Variants in PACRG observed in about 807,000 individuals in gnomAD.
The protein encoded by PACRG is parkin coregulated gene protein.
Under a neutral mutation model 29.7 loss-of-function variants are expected in PACRG, and 29 were observed. That is an observed-to-expected ratio of 0.98 (90% CI 0.73 to 1.33). The LOEUF is 1.33. Ranked by LOEUF, PACRG falls within the 40% of genes most tolerant of loss-of-function variation. PACRG has a pLI of 0.00. For missense variants in PACRG, 279 were observed against 316.2 expected (o/e 0.88, Z 0.89); for synonymous variants, 116 against 118.7 (o/e 0.98, Z 0.15).
intron 2 of PACRG, among the ~76,000 whole-genome samples, chr6:163,060,184 C>T (rs1407837095): frequency 6.6e-6 from 1 of 152,024 alleles, no homozygotes; most frequent in East Asian, 1.9e-4. Context: ...TATTAAAATA[C>T]AACATCTTAG....
chr6:163,200,932 G>C (rs1252221038), intron 4 of PACRG, among the ~76,000 whole-genome samples: 1 of 151,998 alleles, frequency 6.6e-6, no homozygotes, highest in Non-Finnish European at 1.5e-5. Flanking sequence ...CACTGGGCCG[G>C]ATCAGGCCCC....
chr6:162,847,832 A>G (rs985270905), intron 2 of PACRG, among the ~76,000 whole-genome samples: 1 of 152,150 alleles, frequency 6.6e-6, no homozygotes, highest in African/African-American at 2.4e-5. Flanking sequence ...AAACCTGACC[A>G]TCAAGTATTT....
intron 1 of PACRG, among the ~76,000 whole-genome samples, chr6:162,747,470 AAAAC>A (rs373371820): frequency 0.015 from 731 of 48,720 alleles, 137 homozygotes; most frequent in African/African-American, 0.034. Flanking sequence ...ATATATATGT[AAAAC>A]TATATATATA....
intron 4 of PACRG, among the ~76,000 whole-genome samples, chr6:163,291,694 AT>A (rs1784616817): frequency 6.6e-6 from 1 of 152,250 alleles, no homozygotes. Flanking sequence ...AAGCACCAAC[AT>A]TGCTAGCGCT....
chr6:162,846,544 T>C (rs1415704298), intron 2 of PACRG, among the ~76,000 whole-genome samples: 1 of 152,118 alleles, frequency 6.6e-6, no homozygotes, highest in Non-Finnish European at 1.5e-5. Context: ...CTCTCCCATC[T>C]CTCTTAGCTC....
intron 2 of PACRG, among the ~76,000 whole-genome samples, chr6:162,972,017 TGGTCATGA>T (rs1383794762): frequency 6.6e-6 from 1 of 152,190 alleles, no homozygotes; most frequent in African/African-American, 2.4e-5. Context: ...GTGACGCATG[TGGTCATGA>T]GCACTCTGAC....
At chr6:162,883,024 T>C (rs1432477229) in intron 2 of PACRG, among the ~76,000 whole-genome samples, 1 of 152,194 alleles carries the variant, frequency 6.6e-6, no homozygotes, top group Non-Finnish European at 1.5e-5. Context: ...CGAGTTCCAC[T>C]CCCTGTTGCA....
intron 2 of PACRG, among the ~76,000 whole-genome samples, chr6:162,844,187 C>G (rs1367076036): frequency 1.3e-5 from 2 of 150,244 alleles, no homozygotes; most frequent in Non-Finnish European, 3.0e-5. Context: ...GCGGGCGCCC[C>G]TCCCCCAGCC....
intron 1 of PACRG, among the ~76,000 whole-genome samples, chr6:162,785,849 T>C (rs1004138080): frequency 6.6e-6 from 1 of 152,098 alleles, no homozygotes; most frequent in East Asian, 1.9e-4. Context: ...AGCCCAGGGA[T>C]TGGGGACCCC....
intron 4 of PACRG, among the ~76,000 whole-genome samples, chr6:163,175,796 G>T (rs1281325740): frequency 6.7e-6 from 1 of 149,336 alleles, no homozygotes; most frequent in East Asian, 2.0e-4. Context: ...TGCTTCTCAG[G>T]CTCAATTTCC....
intron 1 of PACRG, among the ~76,000 whole-genome samples, chr6:162,735,157 T>C (rs1780069063): frequency 6.6e-6 from 1 of 152,228 alleles, no homozygotes; most frequent in Non-Finnish European, 1.5e-5. Context: ...GATGGGTATT[T>C]GTGTGACCTC....
chr6:163,177,166 C>A (rs1779401104), intron 4 of PACRG, among the ~76,000 whole-genome samples: 3 of 152,194 alleles, frequency 2.0e-5, no homozygotes, highest in African/African-American at 7.2e-5. Flanking sequence ...CCCCAAGGCA[C>A]ACACAGCTTA....
At chr6:162,890,578 C>T (rs1168790558) in intron 2 of PACRG, among the ~76,000 whole-genome samples, 2 of 152,210 alleles carry the variant, frequency 1.3e-5, no homozygotes, top group African/African-American at 2.4e-5. Context: ...TCACACTCAG[C>T]GCCTTAGCTT....
intron 4 of PACRG, among the ~76,000 whole-genome samples, chr6:163,261,695 G>C (rs1407931483): frequency 6.6e-6 from 1 of 152,164 alleles, no homozygotes; most frequent in Admixed American, 6.5e-5. Context: ...TACTTGGGGG[G>C]AAAATATGCC....
chr6:163,008,390 G>T (rs1805317977), intron 2 of PACRG, among the ~76,000 whole-genome samples: 1 of 151,934 alleles, frequency 6.6e-6, no homozygotes, highest in African/African-American at 2.4e-5. Context: ...TGTAAACGAG[G>T]CACACATCCA....
intron 2 of PACRG, among the ~76,000 whole-genome samples, chr6:162,844,560 G>A (rs1056147909): frequency 6.6e-5 from 10 of 152,236 alleles, no homozygotes; most frequent in South Asian, 2.1e-4. Context: ...CGTCTTCTGC[G>A]TCGCTCACGC....
intron 2 of PACRG, among the ~76,000 whole-genome samples, chr6:162,989,536 A>C (rs1803228409): frequency 6.6e-6 from 1 of 152,164 alleles, no homozygotes; most frequent in Admixed American, 6.5e-5. Flanking sequence ...ATAATACCTA[A>C]TACAATGTAA....
intron 2 of PACRG, among the ~76,000 whole-genome samples, chr6:162,978,798 T>A (rs1802169974): frequency 6.6e-6 from 1 of 152,124 alleles, no homozygotes; most frequent in South Asian, 2.1e-4. Flanking sequence ...AGAAAAATAA[T>A]AAAAATTTAA....
chr6:162,832,576 C>G (rs1788874430), intron 2 of PACRG, among the ~76,000 whole-genome samples: 1 of 151,772 alleles, frequency 6.6e-6, no homozygotes, highest in African/African-American at 2.4e-5. Context: ...CAACTTGTAC[C>G]ACATCTATTA....
Sources: gnomAD v4.1 joint callset for allele counts (sites outside exome capture counted in the v4.1 genomes callset) on GRCh38, gnomAD v4.1.1 for gene constraint, MANE v1.5 for transcripts, NCBI Gene and HGNC (gene_info 2026-07-23, HGNC 2026-07-21) for gene names.